Variants in KCNC2 observed in about 807,000 individuals in gnomAD.
The protein encoded by KCNC2 is voltage-gated potassium channel KCNC2.
Under a neutral mutation model 44.5 loss-of-function variants are expected in KCNC2, and 21 were observed. The observed-to-expected ratio is 0.47, with a 90% CI of 0.33 to 0.68. The LOEUF (loss-of-function observed/expected upper bound fraction) is 0.68. Ranked by LOEUF, KCNC2 falls within the 30% of genes least tolerant of loss-of-function variation. KCNC2 has a pLI of 0.01. For synonymous variants in KCNC2, 391 were observed against 339.1 expected, an observed-to-expected ratio of 1.15 and a Z score of -1.68; for missense variants, 589 against 826.2, an observed-to-expected ratio of 0.71 and a Z score of 3.52.
At chr12:75,077,800 A>G (rs1884133621) in intron 2 of KCNC2, among the ~76,000 whole-genome samples, 1 of 152,184 alleles carries the variant, frequency 6.6e-6, no homozygotes, top group Admixed American at 6.6e-5. Context: ...TAAGGGGCAA[A>G]TGAGTTCATT....
chr12:75,070,494 T>TA (rs1187341275), intron 2 of KCNC2, among the ~76,000 whole-genome samples: 1 of 150,240 alleles, frequency 6.7e-6, no homozygotes, highest in African/African-American at 2.5e-5. Context: ...AGCATAATAT[T>TA]AAAAAAATGC....
At chr12:75,196,320 CCAGA>C (rs1245665443) in intron 2 of KCNC2, among the ~76,000 whole-genome samples, 6 of 151,902 alleles carry the variant, frequency 3.9e-5, no homozygotes, top group Non-Finnish European at 5.9e-5. Flanking sequence ...CTACAACTGC[CCAGA>C]CAGTCATTTA....
chr12:75,043,445 A>T, intron 4 of KCNC2: 1 of 1,338,814 alleles, frequency 7.5e-7, no homozygotes, highest in South Asian at 2.0e-5. Flanking sequence ...ACCAGCCATC[A>T]CAAATTATTG....
intron 2 of KCNC2, among the ~76,000 whole-genome samples, chr12:75,163,348 T>C (rs765228381): frequency 6.6e-6 from 1 of 151,916 alleles, no homozygotes; most frequent in Non-Finnish European, 1.5e-5. Context: ...GGTATTATTG[T>C]GGAATCATTA....
chr12:75,132,910 G>C (rs562439198), intron 2 of KCNC2, among the ~76,000 whole-genome samples: 5 of 152,062 alleles, frequency 3.3e-5, no homozygotes, highest in African/African-American at 9.6e-5. Flanking sequence ...GTTGCTGCTC[G>C]ACACTGCTTT....
chr12:75,137,655 C>A (rs1317964033), intron 2 of KCNC2, among the ~76,000 whole-genome samples: 2 of 152,158 alleles, frequency 1.3e-5, no homozygotes, highest in African/African-American at 4.8e-5. Context: ...CCTTTCTATA[C>A]AGATCATCCA....
intron 2 of KCNC2, among the ~76,000 whole-genome samples, chr12:75,130,497 G>T (rs1156941952): frequency 6.6e-5 from 10 of 152,050 alleles, no homozygotes; most frequent in Non-Finnish European, 2.9e-5. Flanking sequence ...TAAGCTTTAT[G>T]CTAGCACCAG....
intron 2 of KCNC2, among the ~76,000 whole-genome samples, chr12:75,117,211 C>T (rs1887723976): frequency 6.6e-6 from 1 of 152,110 alleles, no homozygotes; most frequent in South Asian, 2.1e-4. Context: ...TTTATGCTTT[C>T]CGACGCTTTG....
chr12:75,050,970 G>A lies in KCNC2; in HGVS notation c.1035C>T (p.Gly345=), dbSNP rs760061175. 9 of 1,613,658 alleles carry A rather than the reference G, an allele frequency of 5.6e-6. No homozygotes were observed. In the Admixed American group the frequency reaches 1.3e-4, roughly 24 times the overall value. ...TCACAAACCTTACCACCCTGAGGAA[G>A]CCAAGCACATCTTTAGCAGCTTTGG... ...LSSKAAKDVL[G]FLRVVRFVRI... is the part of the protein sequence containing the mutation. The change falls in exon 3 of 5, where the codon GGC becomes GGT. Residue 345 remains glycine, a synonymous_variant. Coordinates refer to ENST00000549446, the MANE Select transcript of KCNC2 (RefSeq NM_139137.4).
rs373729570 is a variant in KCNC2, at chr12:75,138,979, TAAAAAAAAAAAA to T, written c.687+68306_687+68317del. Among the ~76,000 whole-genome samples, 696 of 77,936 alleles carry T rather than the reference TAAAAAAAAAAAA, an allele frequency of 8.9e-3. 6 individuals carry two copies. Among genetic ancestry groups the T allele is most frequent in the African/African-American group, 0.011 (213 of 18,568 alleles). 51.1% of individuals were successfully genotyped at this position (77,936 alleles called of 152,430 possible). A position where few individuals can be genotyped will look rare whatever the true frequency, so the allele number is the denominator to read the frequency against. The stretch of plus-strand genomic sequence containing the variant: ...CTGGGCCACAGAGCGAGACTCCGTG[TAAAAAAAAAAAA>T]AAAAAAAAAAAAAAACCAAGAAAGA... On this transcript the variant is annotated intron_variant, in intron 2 of 4. Transcript: ENST00000549446.
chr12:75,092,993 T>C (rs750149966), intron 2 of KCNC2, among the ~76,000 whole-genome samples: 9 of 150,960 alleles, frequency 6.0e-5, no homozygotes, highest in Non-Finnish European at 1.2e-4. Flanking sequence ...ATCTAGTGTG[T>C]GATTGTGATT....
intron 2 of KCNC2, among the ~76,000 whole-genome samples, chr12:75,127,493 T>C (rs1888516621): frequency 6.6e-6 from 1 of 152,150 alleles, no homozygotes; most frequent in Admixed American, 6.6e-5. Flanking sequence ...GGGAACTAGT[T>C]TGATCAGGTA....
intron 2 of KCNC2, among the ~76,000 whole-genome samples, chr12:75,156,102 A>C (rs546961431): frequency 1.3e-5 from 2 of 151,950 alleles, no homozygotes; most frequent in South Asian, 4.1e-4. Context: ...AAGAGTAGAG[A>C]TATCACAGCC....
chr12:75,202,037 G>T (rs1011056419), intron 2 of KCNC2, among the ~76,000 whole-genome samples: 3 of 151,870 alleles, frequency 2.0e-5, no homozygotes, highest in Non-Finnish European at 4.4e-5. Context: ...AGTAAAAATT[G>T]ATGGCAATGA....
intron 2 of KCNC2, among the ~76,000 whole-genome samples, chr12:75,200,446 A>G (rs182490436): frequency 3.3e-5 from 5 of 151,900 alleles, no homozygotes; most frequent in Non-Finnish European, 7.4e-5. Flanking sequence ...TATATTTTGG[A>G]CACATATAAT....
At chr12:75,196,570 C>T (rs1279218795) in intron 2 of KCNC2, among the ~76,000 whole-genome samples, 1 of 152,066 alleles carries the variant, frequency 6.6e-6, no homozygotes, top group African/African-American at 2.4e-5. Context: ...TCGTAGCACT[C>T]TACTGAGTCA....
rs573152956 is a variant in KCNC2 at position 75,187,414 on chromosome 12, G to A, written c.687+19883C>T. Among the ~76,000 whole-genome samples, 4 of 152,348 alleles carry A rather than the reference G, an allele frequency of 2.6e-5. No individual in the cohort carries two copies. The East Asian group carries it at 7.7e-4, about 29-fold the overall frequency. ...CAATTTACCAAACACTGGAAAATCA[G>A]TCTCATTGAATTACAGTTATAGGAT... On this transcript the variant is annotated intron_variant, in intron 2 of 4. Transcript: ENST00000549446.
At chr12:75,190,220 T>G (rs1001382333) in intron 2 of KCNC2, among the ~76,000 whole-genome samples, 1 of 152,178 alleles carries the variant, frequency 6.6e-6, no homozygotes, top group Non-Finnish European at 1.5e-5. Flanking sequence ...CATAACTACC[T>G]CTCTAGGCCC....
At chr12:75,192,523 G>T (rs1343163880) in intron 2 of KCNC2, among the ~76,000 whole-genome samples, 1 of 152,042 alleles carries the variant, frequency 6.6e-6, no homozygotes, top group Non-Finnish European at 1.5e-5. Context: ...ATTCTCAGTG[G>T]GTAGATAATA....
Sources: allele counts gnomAD v4.1 joint callset (sites outside exome capture counted in the v4.1 genomes callset), GRCh38; gene constraint gnomAD v4.1.1; transcripts MANE v1.5; gene names NCBI Gene and HGNC (gene_info 2026-07-23, HGNC 2026-07-21).